USO1: variants seen among roughly 807,000 people sequenced by gnomAD.
The protein encoded by USO1 is general vesicular transport factor p115.
In USO1, 57 loss-of-function variants were observed where a neutral mutation model predicts 124.5. That is an observed-to-expected ratio of 0.46 (90% confidence interval 0.37 to 0.57). The LOEUF (loss-of-function observed/expected upper bound fraction) is 0.57. USO1 is among the 20% of genes least tolerant of loss of function. The pLI is 0.00. For synonymous variants in USO1, 369 were observed against 362.8 expected, an observed-to-expected ratio of 1.02 and a Z score of -0.19; for missense variants, 900 against 1,040.6, an observed-to-expected ratio of 0.86 and a Z score of 1.86.
At chr4:75,763,587 A>T (rs190059907) in intron 4 of USO1, among the ~76,000 whole-genome samples, 1 of 152,256 alleles carries the variant, frequency 6.6e-6, no homozygotes, top group Admixed American at 6.5e-5. Context: ...AAGTACTTAG[A>T]ACGGGCATTT....
At chr4:75,761,754 C>G (rs1056166919) in intron 4 of USO1, among the ~76,000 whole-genome samples, 2 of 152,060 alleles carry the variant, frequency 1.3e-5, no homozygotes, top group African/African-American at 4.8e-5. Context: ...AGGTGCTTAA[C>G]TTTTTTAAAT....
chr4:75,771,429 G>A (rs920515094), intron 7 of USO1, among the ~76,000 whole-genome samples: 2 of 152,126 alleles, frequency 1.3e-5, no homozygotes, highest in Non-Finnish European at 2.9e-5. Context: ...GTTGTACAAG[G>A]CCACATTGTT....
intron 1 of USO1, among the ~76,000 whole-genome samples, chr4:75,752,061 C>T (rs1458846194): frequency 1.3e-5 from 2 of 152,158 alleles, no homozygotes; most frequent in African/African-American, 2.4e-5. Flanking sequence ...TGCTCCCCTC[C>T]TGGTTCAAAC....
At chr4:75,764,656 A>G (rs1177395318) in intron 4 of USO1, among the ~76,000 whole-genome samples, 7 of 152,160 alleles carry the variant, frequency 4.6e-5, no homozygotes. Flanking sequence ...ATAATTTTTA[A>G]TGTTTTCCCA....
chr4:75,778,300 G>A (rs931072307), intron 8 of USO1, among the ~76,000 whole-genome samples: 7 of 152,018 alleles, frequency 4.6e-5, no homozygotes, highest in African/African-American at 1.7e-4. Flanking sequence ...GATTTTTACA[G>A]TAAAATAAGG....
intron 17 of USO1, among the ~76,000 whole-genome samples, chr4:75,802,346 GA>G (rs892786428): frequency 1.3e-5 from 2 of 151,992 alleles, no homozygotes; most frequent in African/African-American, 4.8e-5. Context: ...TTGGAACAGT[GA>G]AAAAAACAAA....
intron 13 of USO1, among the ~76,000 whole-genome samples, chr4:75,794,331 A>G (rs536510393): frequency 5.9e-5 from 9 of 152,300 alleles, no homozygotes; most frequent in African/African-American, 2.2e-4. Flanking sequence ...GGTCCCTTGT[A>G]TATATAGTTA....
At chr4:75,727,299 T>C (rs1720492016) in intron 1 of USO1, among the ~76,000 whole-genome samples, 1 of 152,236 alleles carries the variant, frequency 6.6e-6, no homozygotes, top group Non-Finnish European at 1.5e-5. Context: ...AGTTTTTATA[T>C]CACAATTTCA....
intron 1 of USO1, among the ~76,000 whole-genome samples, chr4:75,735,716 T>C (rs1309362424): frequency 2.0e-5 from 3 of 152,098 alleles, no homozygotes; most frequent in South Asian, 2.1e-4. Context: ...AGACAGGGTC[T>C]TGCTATGTTG....
intron 13 of USO1, among the ~76,000 whole-genome samples, chr4:75,799,032 T>C (rs1044337212): frequency 3.3e-5 from 5 of 152,184 alleles, no homozygotes; most frequent in Non-Finnish European, 1.5e-5. Context: ...CTAATTTAAA[T>C]CTTCCTCTTG....
intron 4 of USO1, among the ~76,000 whole-genome samples, chr4:75,768,842 C>T (rs1721842557): frequency 6.6e-6 from 1 of 152,210 alleles, no homozygotes; most frequent in Non-Finnish European, 1.5e-5. Context: ...ATGTGTTTAT[C>T]CACACAGACT....
intron 13 of USO1, among the ~76,000 whole-genome samples, chr4:75,794,305 G>A (rs1378330038): frequency 6.6e-6 from 1 of 152,110 alleles, no homozygotes; most frequent in African/African-American, 2.4e-5. Flanking sequence ...TGATCATCTA[G>A]AAACAATGGA....
rs533041107 is a variant in USO1 at position 75,796,341 on chromosome 4, C to CTTTTTTTTTTTTTTTTTTTTTTTTTTT, written c.1452+2452_1452+2453insTTTTTTTTTTTTTTTTTTTTTTTTTTT. Among the ~76,000 whole-genome samples the CTTTTTTTTTTTTTTTTTTTTTTTTTTT allele has an allele frequency of 1.9e-4, 19 of 102,064 alleles. 7 individuals are homozygous for CTTTTTTTTTTTTTTTTTTTTTTTTTTT. Among genetic ancestry groups the CTTTTTTTTTTTTTTTTTTTTTTTTTTT allele is most frequent in the Admixed American group, 2.5e-4 (2 of 8,052 alleles). 67.0% of individuals were successfully genotyped at this position (102,064 alleles called of 152,430 possible). The stretch of plus-strand genomic sequence containing the variant: ...TAATCCCAGAAAGTTCCATCATGCT[C>CTTTTTTTTTTTTTTTTTTTTTTTTTTT]TTTTTTTTTTTTGAGACGGAGTCTC... On this transcript the variant is annotated intron_variant, in intron 13 of 23. Transcript: ENST00000514213.
At chr4:75,800,030 G>A (rs1288685366) in intron 14 of USO1, among the ~76,000 whole-genome samples, 6 of 150,582 alleles carry the variant, frequency 4.0e-5, no homozygotes, top group Non-Finnish European at 5.9e-5. Context: ...TGCAACTTCC[G>A]CCTCCCAGGT....
intron 1 of USO1, among the ~76,000 whole-genome samples, chr4:75,729,484 T>C (rs2869174): frequency 0.9 from 136,998 of 152,116 alleles, 61,822 homozygotes; most frequent in African/African-American, 0.97. Context: ...GGACTACAGG[T>C]GCACGCCACC....
intron 13 of USO1, chr4:75,795,213 T>C: frequency 3.1e-6 from 2 of 653,012 alleles, no homozygotes; most frequent in Non-Finnish European, 5.5e-6. Context: ...AGAACCATCC[T>C]GTCCCAAATT....
intron 1 of USO1, among the ~76,000 whole-genome samples, chr4:75,739,542 T>TC (rs1431878700): frequency 3.5e-5 from 5 of 142,782 alleles, no homozygotes; most frequent in South Asian, 4.5e-4. Flanking sequence ...CTTTTTCTTT[T>TC]TTTTTTTTTT....
At chr4:75,729,333 A>C in intron 1 of USO1, among the ~76,000 whole-genome samples, 1 of 149,750 alleles carries the variant, frequency 6.7e-6, no homozygotes, top group Non-Finnish European at 1.5e-5. Context: ...TCTATCTAGC[A>C]CCTTTTTTTT....
intron 9 of USO1, 81 bp from the exon 10 acceptor site, chr4:75,786,981 T>C: frequency 7.0e-7 from 1 of 1,419,862 alleles, no homozygotes; most frequent in Non-Finnish European, 9.2e-7. Flanking sequence ...CATGCAGACT[T>C]TCTTGTTCAC....
Sources: allele counts gnomAD v4.1 joint callset (sites outside exome capture counted in the v4.1 genomes callset), GRCh38; gene constraint gnomAD v4.1.1; transcripts MANE v1.5; gene names NCBI Gene and HGNC (gene_info 2026-07-23, HGNC 2026-07-21).